SLC8A1: variants seen among roughly 807,000 people sequenced by gnomAD.
SLC8A1 encodes solute carrier family 8 member A1, also known as sodium/calcium exchanger 1.
A neutral mutation model predicts 68.3 loss-of-function variants in SLC8A1; 18 were observed. The observed-to-expected ratio is 0.26, with a 90% CI of 0.18 to 0.39. The LOEUF is 0.39. Ranked by LOEUF, SLC8A1 falls within the 10% of genes least tolerant of loss-of-function variation. The probability of loss-of-function intolerance (pLI) is 1.00; values close to 1 mark genes in which losing one functional copy is unlikely to be tolerated. For missense variants in SLC8A1, 985 were observed against 1,156.7 expected, an observed-to-expected ratio of 0.85 and a Z score of 2.15; for synonymous variants, 475 against 415.5, an observed-to-expected ratio of 1.14 and a Z score of -1.74.
rs368483768 is a variant in SLC8A1, at chr2:40,396,748, T to TAAAAAAAA, written c.1808+31717_1808+31724dup. On this transcript the variant is annotated intron_variant, in intron 2 of 7. Transcript: ENST00000406785. The stretch of plus-strand genomic sequence containing the variant: ...TTTAACCTCCATCATCTCTAATAAC[T>TAAAAAAAA]AAAAAAAAAAAAAAAAAAAAAAAAA... Among the ~76,000 whole-genome samples the TAAAAAAAA allele has an allele frequency of 5.4e-3, 467 of 86,964 alleles. 29 individuals carry two copies. Among genetic ancestry groups the TAAAAAAAA allele is most frequent in the African/African-American group, 0.012 (195 of 16,102 alleles). The allele number at this position is 86,964 out of a possible 152,430, so 57.1% of individuals were successfully genotyped here. A position where few individuals can be genotyped will look rare whatever the true frequency, so the allele number is the denominator to read the frequency against.
At chr2:40,429,526 G>A (rs777060016) in exon 2 of SLC8A1, 10 of 1,613,564 alleles carry the variant, frequency 6.2e-6, no homozygotes, top group African/African-American at 1.3e-5. Flanking sequence ...TCTCCTATCC[G>A]CTACCCAAGC....
At chr2:40,226,896 CAT>C (rs1177766507) in intron 2 of SLC8A1, among the ~76,000 whole-genome samples, 4 of 152,128 alleles carry the variant, frequency 2.6e-5, no homozygotes, top group East Asian at 1.9e-4. Context: ...TATAATAAAA[CAT>C]GTGAACAAAA....
At chr2:40,300,284 A>G (rs141559006) in intron 2 of SLC8A1, among the ~76,000 whole-genome samples, 31 of 152,298 alleles carry the variant, frequency 2.0e-4, no homozygotes, top group Admixed American at 7.9e-4. Context: ...CTGCAATCCT[A>G]TAAAGTCATT....
chr2:40,337,111 G>C (rs564705186), intron 2 of SLC8A1, among the ~76,000 whole-genome samples: 1 of 152,082 alleles, frequency 6.6e-6, no homozygotes, highest in African/African-American at 2.4e-5. Flanking sequence ...TTACATATAA[G>C]CATGATAATT....
intron 2 of SLC8A1, among the ~76,000 whole-genome samples, chr2:40,265,068 T>C (rs1294504636): frequency 6.6e-6 from 1 of 152,178 alleles, no homozygotes; most frequent in Non-Finnish European, 1.5e-5. Context: ...TGCTTCTTGG[T>C]GAAAATCTTC....
intron 2 of SLC8A1, among the ~76,000 whole-genome samples, chr2:40,259,403 A>T (rs184838098): frequency 1.3e-5 from 2 of 152,206 alleles, no homozygotes; most frequent in Non-Finnish European, 2.9e-5. Context: ...TGAAAAGGTA[A>T]TATCTTTTAA....
intron 2 of SLC8A1, among the ~76,000 whole-genome samples, chr2:40,290,662 T>C (rs1246291827): frequency 6.6e-6 from 1 of 152,152 alleles, no homozygotes; most frequent in Non-Finnish European, 1.5e-5. Flanking sequence ...AAACAAAAAG[T>C]ATTTTATTTG....
chr2:40,312,115 T>C (rs1017932064), intron 2 of SLC8A1, among the ~76,000 whole-genome samples: 2 of 152,250 alleles, frequency 1.3e-5, no homozygotes, highest in East Asian at 1.9e-4. Flanking sequence ...GCTGACTACA[T>C]TGTATTTGAA....
chr2:40,150,874 T>C (rs586717), intron 6 of SLC8A1, among the ~76,000 whole-genome samples: 3,540 of 152,252 alleles, frequency 0.023, 143 homozygotes, highest in African/African-American at 0.08. Flanking sequence ...TGTAGCTACC[T>C]GATTCAACAT....
chr2:40,336,757 T>C lies in SLC8A1; in HGVS notation c.1808+91716A>G, dbSNP rs867987467. On this transcript the variant is annotated intron_variant, in intron 2 of 7. Coordinates refer to ENST00000406785, the Ensembl canonical transcript of SLC8A1. ...GGATGCCTTAATATTTTTATTCATG[T>C]TTTCTTTTTTCATGAAAAAAATAAT... Among the ~76,000 whole-genome samples the C allele has an allele frequency of 4.5e-4, 68 of 152,184 alleles. 1 individual carries two copies. Among genetic ancestry groups the C allele is most frequent in the Admixed American group, 2.6e-3 (39 of 15,272 alleles).
chr2:40,103,998 G>A (rs562395236), exon 8 of SLC8A1: 2 of 152,274 alleles, frequency 1.3e-5, no homozygotes, highest in South Asian at 2.1e-4. Flanking sequence ...TAAAGGTAAA[G>A]TCTTCCCATT....
chr2:40,508,338 T>C (rs1253750236), intron 1 of SLC8A1, among the ~76,000 whole-genome samples: 3 of 147,184 alleles, frequency 2.0e-5, no homozygotes, highest in South Asian at 2.2e-4. Flanking sequence ...CGACACTTCC[T>C]AGAAAGGTAA....
At chr2:40,161,764 GA>G (rs1362223590) in intron 5 of SLC8A1, among the ~76,000 whole-genome samples, 1 of 152,172 alleles carries the variant, frequency 6.6e-6, no homozygotes, top group East Asian at 1.9e-4. Context: ...CTCATCCCAA[GA>G]AACTACCACA....
chr2:40,359,148 A>C (rs1673729192), intron 2 of SLC8A1, among the ~76,000 whole-genome samples: 1 of 152,152 alleles, frequency 6.6e-6, no homozygotes, highest in South Asian at 2.1e-4. Flanking sequence ...TGAGCACTTG[A>C]AATGGGGCTA....
At chr2:40,161,016 T>G (rs1044267959) in intron 5 of SLC8A1, 152 bp from the exon 9 acceptor site, 1 of 608,436 alleles carries the variant, frequency 1.6e-6, no homozygotes, top group Non-Finnish European at 2.9e-6. Flanking sequence ...CTGTTATGAT[T>G]ATGCAAACAA....
intron 5 of SLC8A1, among the ~76,000 whole-genome samples, chr2:40,163,490 G>A (rs2046031170): frequency 6.6e-6 from 1 of 152,180 alleles, no homozygotes; most frequent in African/African-American, 2.4e-5. Context: ...GAAGAGGGAG[G>A]TTGAACACAC....
At chr2:40,482,508 T>A (rs528523509) in intron 1 of SLC8A1, among the ~76,000 whole-genome samples, 1 of 152,280 alleles carries the variant, frequency 6.6e-6, no homozygotes, top group African/African-American at 2.4e-5. Context: ...AGCATAAGCT[T>A]CATATTATAT....
At chr2:40,115,152 A>T in exon 8 of SLC8A1, 1 of 861,580 alleles carries the variant, frequency 1.2e-6, no homozygotes, top group Non-Finnish European at 1.6e-6. Context: ...TTCCATCAGC[A>T]GGTAAGTGAA....
chr2:40,333,464 A>G (rs1337549065), intron 2 of SLC8A1, among the ~76,000 whole-genome samples: 3 of 151,558 alleles, frequency 2.0e-5, no homozygotes, highest in African/African-American at 7.3e-5. Context: ...GAAAAGAAAA[A>G]AAAAAAGAAA....
Sources: allele counts gnomAD v4.1 joint callset (sites outside exome capture counted in the v4.1 genomes callset), GRCh38; gene constraint gnomAD v4.1.1; transcripts MANE v1.5; gene names NCBI Gene and HGNC (gene_info 2026-07-23, HGNC 2026-07-21).